The following TMPRSS15 variants were observed in gnomAD, a reference collection of about 807,000 sequenced individuals.
The protein encoded by TMPRSS15 is enteropeptidase.
In TMPRSS15, 128 loss-of-function variants were observed where a neutral mutation model predicts 125.3. That is an observed-to-expected ratio of 1.02 (90% confidence interval 0.89 to 1.18). The LOEUF is 1.18. Among genes scored for constraint, TMPRSS15 ranks in the 50% most tolerant of loss-of-function variants. The probability of loss-of-function intolerance (pLI) is 0.00; values close to 1 mark genes in which losing one functional copy is unlikely to be tolerated. For synonymous variants in TMPRSS15, 446 were observed against 423.2 expected (o/e 1.05, Z -0.66); for missense variants, 1,283 against 1,212.7 (o/e 1.06, Z -0.86).
chr21:18,331,501 C>A (rs2075345278), intron 14 of TMPRSS15, among the ~76,000 whole-genome samples: 1 of 152,178 alleles, frequency 6.6e-6, no homozygotes. Context: ...AGTCTTTATG[C>A]AGTTTTAGCA....
At chr21:18,286,256 C>CCG (rs2074762307) in intron 21 of TMPRSS15, among the ~76,000 whole-genome samples, 1 of 151,844 alleles carries the variant, frequency 6.6e-6, no homozygotes, top group Non-Finnish European at 1.5e-5. Flanking sequence ...AGGGGTCTGC[C>CCG]TTCGGCCTTC....
At chr21:18,445,736 A>C (rs145001289) in intron 1 of TMPRSS15, among the ~76,000 whole-genome samples, 291 of 152,340 alleles carry the variant, frequency 1.9e-3, no homozygotes, top group African/African-American at 6.7e-3. Context: ...GATGCTAAAA[A>C]AGCGTTTGGT....
intron 4 of TMPRSS15, among the ~76,000 whole-genome samples, chr21:18,382,171 C>T (rs544892114): frequency 2.7e-4 from 41 of 152,022 alleles, no homozygotes; most frequent in Admixed American, 2.0e-3. Flanking sequence ...AGGCCATTTA[C>T]CAAAAGTATC....
intron 1 of TMPRSS15, among the ~76,000 whole-genome samples, chr21:18,478,907 C>T (rs1401059319): frequency 1.3e-5 from 2 of 151,998 alleles, no homozygotes; most frequent in African/African-American, 4.8e-5. Context: ...CCCCTTTCAA[C>T]ACCCTCCAGA....
intron 3 of TMPRSS15, among the ~76,000 whole-genome samples, chr21:18,389,171 GAA>G (rs1489361741): frequency 7.1e-6 from 1 of 141,364 alleles, no homozygotes; most frequent in East Asian, 2.0e-4. Flanking sequence ...AAAAGAAAAA[GAA>G]AGAAAGGAAA....
chr21:18,280,458 G>A (rs530404247), intron 22 of TMPRSS15, among the ~76,000 whole-genome samples: 46 of 151,290 alleles, frequency 3.0e-4, no homozygotes, highest in Middle Eastern at 6.8e-3. Context: ...GCATGCACCC[G>A]TAGTCTACCT....
intron 16 of TMPRSS15, 41 bp from the exon 17 acceptor site, chr21:18,315,297 A>T: frequency 4.6e-6 from 7 of 1,514,540 alleles, no homozygotes; most frequent in Non-Finnish European, 6.4e-6. Context: ...TAAAGAAAAC[A>T]CAAATGGATG....
At chr21:18,390,856 G>A (rs527926996) in intron 3 of TMPRSS15, among the ~76,000 whole-genome samples, 2 of 152,114 alleles carry the variant, frequency 1.3e-5, no homozygotes, top group Non-Finnish European at 2.9e-5. Context: ...AGTTTAATTG[G>A]CTTACAGTTC....
chr21:18,415,237 C>G (rs1041868332), intron 1 of TMPRSS15, among the ~76,000 whole-genome samples: 3 of 151,972 alleles, frequency 2.0e-5, no homozygotes, highest in African/African-American at 7.2e-5. Flanking sequence ...TTGTGAGTTC[C>G]TTATATAGTT....
intron 6 of TMPRSS15, among the ~76,000 whole-genome samples, chr21:18,365,806 C>T (rs1415439204): frequency 2.0e-5 from 3 of 146,714 alleles, no homozygotes; most frequent in African/African-American, 7.6e-5. Context: ...TGCAACGGCG[C>T]GATCTCGGCT....
chr21:18,417,498 G>T (rs2076183013), intron 1 of TMPRSS15, among the ~76,000 whole-genome samples: 1 of 152,050 alleles, frequency 6.6e-6, no homozygotes, highest in African/African-American at 2.4e-5. Flanking sequence ...TCTATGTCAA[G>T]ATACTACAGA....
intron 8 of TMPRSS15, among the ~76,000 whole-genome samples, chr21:18,356,277 G>T (rs113010558): frequency 3.3e-5 from 5 of 151,758 alleles, no homozygotes; most frequent in African/African-American, 1.2e-4. Context: ...TACAGAATAG[G>T]ATTCAACAGA....
At chr21:18,485,407 A>T (rs1453621917) in intron 1 of TMPRSS15, among the ~76,000 whole-genome samples, 1 of 151,852 alleles carries the variant, frequency 6.6e-6, no homozygotes, top group African/African-American at 2.4e-5. Context: ...ATCGGGAAAT[A>T]CTCTTAATAC....
At chr21:18,429,331 G>C (rs1003854798) in intron 1 of TMPRSS15, among the ~76,000 whole-genome samples, 3 of 152,138 alleles carry the variant, frequency 2.0e-5, no homozygotes, top group Non-Finnish European at 4.4e-5. Flanking sequence ...TAAGACTTTG[G>C]GGGACTGTTG....
chr21:18,317,088 A>G (rs530030669), intron 16 of TMPRSS15, among the ~76,000 whole-genome samples: 1 of 152,208 alleles, frequency 6.6e-6, no homozygotes, highest in African/African-American at 2.4e-5. Flanking sequence ...TAACATTACT[A>G]TTACATTGCT....
At chr21:18,363,376 G>A (rs181378771) in intron 7 of TMPRSS15, among the ~76,000 whole-genome samples, 1 of 152,056 alleles carries the variant, frequency 6.6e-6, no homozygotes, top group East Asian at 1.9e-4. Context: ...ATTAATATAG[G>A]ATAATTTTTG....
In TMPRSS15 at chr21:18,309,740, C is replaced by T. The variant is rs545464308; in HGVS notation, c.2165+3205G>A. Among the ~76,000 whole-genome samples the T allele has an allele frequency of 4.9e-4, 74 of 152,214 alleles. 1 individual carries two copies. The highest frequency in any genetic ancestry group is 3.4e-3 in the Middle Eastern group (1 of 294). ...AAAATCACAATGAGATACCATCTCA[C>T]GCCAGTTAGAACGGTGATCATCAAA... On this transcript the variant is annotated intron_variant, in intron 18 of 24. Coordinates refer to ENST00000284885, the MANE Select transcript of TMPRSS15 (RefSeq NM_002772.3).
At chr21:18,423,784 A>G (rs755974490) in intron 1 of TMPRSS15, among the ~76,000 whole-genome samples, 1 of 152,136 alleles carries the variant, frequency 6.6e-6, no homozygotes, top group Non-Finnish European at 1.5e-5. Context: ...ATTCATATGC[A>G]TCTCTATGAA....
intron 7 of TMPRSS15, among the ~76,000 whole-genome samples, chr21:18,361,338 AG>A (rs1209886098): frequency 6.6e-6 from 1 of 152,128 alleles, no homozygotes. Context: ...AAGAAATAAA[AG>A]TGTGTACGGG....
Sources: gnomAD v4.1 joint callset for allele counts (sites outside exome capture counted in the v4.1 genomes callset) on GRCh38, gnomAD v4.1.1 for gene constraint, MANE v1.5 for transcripts, NCBI Gene and HGNC (gene_info 2026-07-23, HGNC 2026-07-21) for gene names.